Variants in KIF13A observed in about 807,000 individuals in gnomAD.
KIF13A encodes kinesin family member 13A.
In KIF13A, 79 loss-of-function variants were observed where a neutral mutation model predicts 212.2. The ratio of observed to expected loss-of-function variants is 0.37; its 90% confidence interval spans 0.31 to 0.45. The LOEUF is 0.45. Ranked by LOEUF, KIF13A falls within the 20% of genes least tolerant of loss-of-function variation. The pLI is 1.00. For synonymous variants in KIF13A, 789 were observed against 808.6 expected, an observed-to-expected ratio of 0.98 and a Z score of 0.41; for missense variants, 1,901 against 2,209.0, an observed-to-expected ratio of 0.86 and a Z score of 2.79.
rs1000117018 is a variant in KIF13A at position 17,963,005 on chromosome 6, A to G, written c.146+24049T>C. 2.0e-5 allele frequency among the ~76,000 whole-genome samples: 3 copies of G among 152,254 alleles called. No homozygotes were observed. Among genetic ancestry groups the G allele is most frequent in the Non-Finnish European group, 2.9e-5 (2 of 68,040 alleles). ...CCACTACACTGTAAACTCAAAGTGC[A>G]TAAAGATAATTGTTTATCCTATATG... On this transcript the variant is annotated intron_variant, in intron 2 of 38. Coordinates refer to ENST00000259711, the MANE Select transcript of KIF13A (RefSeq NM_022113.6). This position sits in a 1 kb window ranked among gnomAD's most constrained non-coding sequence, Gnocchi z 4.1.
At chr6:17,812,427 C>T (rs546736801) in intron 17 of KIF13A, 10 of 152,244 alleles carry the variant, frequency 6.6e-5, no homozygotes, top group Middle Eastern at 3.4e-3. Context: ...TGAGAACACG[C>T]GGTATCTGGT....
chr6:17,777,285 C>T lies in KIF13A; in HGVS notation c.4162G>A (p.Val1388Ile), dbSNP rs1402813931. The change falls in exon 34 of 39, where the codon GTT becomes ATT. Residue 1388 changes from valine to isoleucine, a missense_variant. Physicochemically the swap from Val to Ile is conservative, Grantham distance 29. This residue lies in a region of KIF13A where 687 missense variants were observed against 759.1 expected (regional missense o/e 0.90). Coordinates refer to ENST00000259711, the MANE Select transcript of KIF13A (RefSeq NM_022113.6). This position sits in a 1 kb window ranked among gnomAD's most constrained non-coding sequence, Gnocchi z 4.4. Reference sequence around the variant, plus strand: ...TGGCAGGATGCACTTACATTATGAACATTTGGTGTACTGAGGCTCCTCCGA... The same window carrying T: ...TGGCAGGATGCACTTACATTATGAATATTTGGTGTACTGAGGCTCCTCCGA... ...HIRRSLSTPN[V>I]HNVSSSRPDL... 15 of 1,611,798 alleles carry T rather than the reference C, an allele frequency of 9.3e-6. No homozygotes were observed. In the South Asian group the frequency reaches 1.1e-4, roughly 12 times the overall value.
intron 7 of KIF13A, among the ~76,000 whole-genome samples, chr6:17,851,213 C>T (rs144127059): frequency 6.6e-6 from 1 of 152,296 alleles, no homozygotes; most frequent in African/African-American, 2.4e-5. Flanking sequence ...TCACTGTGCT[C>T]TATTTCCGAT....
In KIF13A at chr6:17,764,691, C is replaced by T; in HGVS notation, c.4837G>A (p.Val1613Met). 8.7e-6 allele frequency: 14 copies of T among 1,613,602 alleles called. No individual in the cohort carries two copies. Among genetic ancestry groups the T allele is most frequent in the Non-Finnish European group, 1.2e-5 (14 of 1,179,726 alleles). ...SASNATLSDMVVPSSDSSDQL... is the reference protein window; with the variant it reads ...SASNATLSDMMVPSSDSSDQL... Reference sequence around the variant, plus strand: ...TCTGAGCTGTCACTAGAAGGGACCACCATGTCAGACAGGGTGGCATTGGAG... The same window carrying T: ...TCTGAGCTGTCACTAGAAGGGACCATCATGTCAGACAGGGTGGCATTGGAG... Residue 1613 changes from valine (V) to methionine (M), a missense_variant, in exon 39 of 39, where the codon GTG becomes ATG. Val to Met is a conservative substitution (Grantham distance 21). Transcript: ENST00000259711. This position sits in a 1 kb window ranked among gnomAD's most constrained non-coding sequence, Gnocchi z 5.1.
At chr6:17,810,107 C>T (rs1321026994) in intron 17 of KIF13A, among the ~76,000 whole-genome samples, 1 of 152,054 alleles carries the variant, frequency 6.6e-6, no homozygotes, top group Non-Finnish European at 1.5e-5. Context: ...CAGTCACCCA[C>T]GCTTAGATTT....
In KIF13A at chr6:17,918,346, C is replaced by T. The variant is rs1220421976; in HGVS notation, c.147-20166G>A. Among the ~76,000 whole-genome samples the T allele has an allele frequency of 6.6e-6, 1 of 152,142 alleles. No homozygotes were observed. Among genetic ancestry groups the T allele is most frequent in the Non-Finnish European group, 1.5e-5 (1 of 68,024 alleles). Reference sequence around the variant, plus strand: ...GTAGACCAAAAGAATGTAAATGTCCCACACTGCCATTTATGACAAGTTGTA... The same window carrying T: ...GTAGACCAAAAGAATGTAAATGTCCTACACTGCCATTTATGACAAGTTGTA... On this transcript the variant is annotated intron_variant, in intron 2 of 38. Coordinates refer to ENST00000259711, the MANE Select transcript of KIF13A (RefSeq NM_022113.6). This position sits in a 1 kb window ranked among gnomAD's most constrained non-coding sequence, Gnocchi z 4.8.
chr6:17,959,227 C>T (rs1778614871), intron 2 of KIF13A, among the ~76,000 whole-genome samples: 1 of 152,222 alleles, frequency 6.6e-6, no homozygotes, highest in East Asian at 1.9e-4. Flanking sequence ...CAATGACAAG[C>T]AAAACTGACA....
rs544360379 is a variant in KIF13A, at chr6:17,788,992, G to A, written c.3261+880C>T. Among the ~76,000 whole-genome samples the A allele has an allele frequency of 6.1e-4, 93 of 152,268 alleles. No individual in the cohort carries two copies. In the South Asian group the frequency reaches 0.018, roughly 30 times the overall value. On this transcript the variant is annotated intron_variant, in intron 26 of 38. Coordinates refer to ENST00000259711, the MANE Select transcript of KIF13A (RefSeq NM_022113.6). Reference sequence around the variant, plus strand: ...CCTGCCTCGGCCTCCCAAAGTGCTGGGATTACAGGCGTGAGCCACCACGCC... The same window carrying A: ...CCTGCCTCGGCCTCCCAAAGTGCTGAGATTACAGGCGTGAGCCACCACGCC...
intron 4 of KIF13A, among the ~76,000 whole-genome samples, chr6:17,862,570 A>C (rs1341246505): frequency 6.6e-6 from 1 of 152,146 alleles, no homozygotes; most frequent in African/African-American, 2.4e-5. Context: ...TGGGAGGCTG[A>C]GGTGGGAGGA....
intron 4 of KIF13A, among the ~76,000 whole-genome samples, chr6:17,866,955 A>G: frequency 6.6e-6 from 1 of 151,144 alleles, no homozygotes; most frequent in East Asian, 1.9e-4. Context: ...CATCCTTTAC[A>G]AGAAAAATTT....
At chr6:17,814,224 T>TA (rs1763710244) in intron 17 of KIF13A, among the ~76,000 whole-genome samples, 1 of 146,092 alleles carries the variant, frequency 6.8e-6, no homozygotes, top group Non-Finnish European at 1.5e-5. Context: ...GTGCTGGGAT[T>TA]ACAGGCATGA....
chr6:17,853,744 A>T (rs2150403517), intron 6 of KIF13A, among the ~76,000 whole-genome samples: 1 of 152,344 alleles, frequency 6.6e-6, no homozygotes, highest in African/African-American at 2.4e-5. Context: ...ATGTCATACA[A>T]AGTTAAAAAT....
chr6:17,770,882 T>C (rs1759437182), intron 38 of KIF13A: 1 of 561,476 alleles, frequency 1.8e-6, no homozygotes, highest in South Asian at 3.0e-5. Flanking sequence ...TAAAAGTGCC[T>C]TTCTCCCTTT....
intron 22 of KIF13A, among the ~76,000 whole-genome samples, chr6:17,797,636 C>CT (rs140896389): frequency 0.087 from 13,216 of 152,282 alleles, 783 homozygotes; most frequent in Middle Eastern, 0.13. Context: ...TGACTCACGT[C>CT]TGTAATGCCA....
intron 4 of KIF13A, among the ~76,000 whole-genome samples, chr6:17,869,526 A>G (rs1358883120): frequency 6.6e-6 from 1 of 152,052 alleles, no homozygotes; most frequent in Non-Finnish European, 1.5e-5. Context: ...AGATTCAGTA[A>G]CTCACCCGGC....
chr6:17,874,263 A>ATGTTT (rs1562083386), intron 3 of KIF13A, among the ~76,000 whole-genome samples: 2 of 115,812 alleles, frequency 1.7e-5, no homozygotes, highest in African/African-American at 6.3e-5. Flanking sequence ...CCAGCAAAGC[A>ATGTTT]TGTTTTTGTT....
rs908751683 is a variant in KIF13A, at chr6:17,837,676, C to G, written c.831-93G>C. The G allele has an allele frequency of 2.0e-5, 17 of 865,738 alleles. No individual in the cohort carries two copies. The highest frequency in any genetic ancestry group is 2.9e-5 in the Non-Finnish European group (16 of 546,854). The allele number at this position is 865,738 out of a possible 1,614,324, so 53.6% of individuals were successfully genotyped here. On this transcript the variant is annotated intron_variant, in intron 9 of 38. Transcript: ENST00000259711. This position sits in a 1 kb window ranked among gnomAD's most constrained non-coding sequence, Gnocchi z 5.4. ...ACAATAAAGCTCCACAGTTAATACA[C>G]GTTGGTGGCTCACGCCCGTAATCCC... is the stretch of plus-strand genomic sequence containing the variant.
Position 17,912,229 on chromosome 6 carries a change from C to T in KIF13A, c.147-14049G>A, listed in dbSNP as rs564406242. Reference sequence around the variant, plus strand: ...CTCATGTACCCTATAAATATATATACCTACGACATACCCAGAAAAATTAGA... The same window carrying T: ...CTCATGTACCCTATAAATATATATATCTACGACATACCCAGAAAAATTAGA... On this transcript the variant is annotated intron_variant, in intron 2 of 38. Transcript: ENST00000259711. The surrounding 1 kb of genome is among the most constrained non-coding windows in gnomAD (Gnocchi z 4.2). 2.6e-5 allele frequency among the ~76,000 whole-genome samples: 4 copies of T among 152,136 alleles called. No homozygotes were observed. The South Asian group carries it at 8.3e-4, about 32-fold the overall frequency.
rs1359140980 is a variant in KIF13A at position 17,870,039 on chromosome 6, G to A, written c.220+3338C>T. On this transcript the variant is annotated intron_variant, in intron 4 of 38. Transcript: ENST00000259711. The stretch of plus-strand genomic sequence containing the variant: ...TATTTTTTAATGAAGAGAAAAATTA[G>A]TATGGAAACCATCAACTAATCTACA... Among the ~76,000 whole-genome samples the A allele has an allele frequency of 2.6e-5, 4 of 151,828 alleles. No individual in the cohort carries two copies. The East Asian group carries it at 7.8e-4, about 30-fold the overall frequency.
Sources: allele counts gnomAD v4.1 joint callset (sites outside exome capture counted in the v4.1 genomes callset), GRCh38; gene constraint gnomAD v4.1.1; regional missense constraint gnomAD v4.1.1; non-coding constraint Gnocchi (gnomAD v3.1); transcripts MANE v1.5; gene names NCBI Gene and HGNC (gene_info 2026-07-23, HGNC 2026-07-21).